Variants in MYO7A observed in about 807,000 individuals in gnomAD.
The protein encoded by MYO7A is unconventional myosin-VIIa.
In MYO7A, 210 loss-of-function variants were observed where a neutral mutation model predicts 263.8. The observed-to-expected ratio is 0.80, with a 90% CI of 0.71 to 0.89. MYO7A has a LOEUF of 0.89. Ranked by LOEUF, MYO7A falls within the 40% of genes least tolerant of loss-of-function variation. The pLI is 0.00. For synonymous variants in MYO7A, 1,239 were observed against 1,197.3 expected (o/e 1.03, Z -0.72); for missense variants, 2,820 against 2,968.3 (o/e 0.95, Z 1.16).
intron 5 of MYO7A, 118 bp from the exon 6 acceptor site, chr11:77,156,542 T>G: frequency 7.7e-6 from 11 of 1,430,020 alleles, no homozygotes; most frequent in East Asian, 2.3e-5. Context: ...GGAGGGTCCG[T>G]ATTGTCAGCT....
Position 77,177,581 on chromosome 11 carries a change from G to A in MYO7A, c.2220G>A (p.Arg740=). 1 of 1,612,150 alleles carries A rather than the reference G, an allele frequency of 6.2e-7. No homozygotes were observed. The highest frequency in any genetic ancestry group is 8.5e-7 in the Non-Finnish European group (1 of 1,179,448). Residue 740 remains arginine (R), a synonymous_variant, in exon 19 of 49, where the codon CGG becomes CGA. Coordinates refer to ENST00000409709, the MANE Select transcript of MYO7A (RefSeq NM_000260.4). ...DHHDMLLEVE[R]DKAITDRVIL... is the part of the protein sequence containing the mutation. ...ATGACATGCTGCTGGAAGTGGAGCG[G>A]GACAAAGCCATCACCGACAGAGTCA...
Position 77,198,594 on chromosome 11 carries a change from C to T in MYO7A, c.4541C>T (p.Pro1514Leu). The change falls in exon 34 of 49, where the codon CCA becomes CTA. Residue 1514 changes from proline to leucine, a missense_variant. By Grantham distance (98) the Pro-to-Leu change is moderately conservative. Transcript: ENST00000409709. ...CAGGTACTTCTGGAGCTGTCCTTCC[C>T]AGAGATCATGGCCGTGTCCAGCAGC... ...QEQVLLELSF[P>L]EIMAVSSSRE... 1 of 1,613,832 alleles carries T rather than the reference C, an allele frequency of 6.2e-7. No individual in the cohort carries two copies. Among genetic ancestry groups the T allele is most frequent in the Non-Finnish European group, 8.5e-7 (1 of 1,179,860 alleles).
chr11:77,213,110 C>T, intron 47 of MYO7A, 75 bp downstream of exon 47: 2 of 1,172,758 alleles, frequency 1.7e-6, no homozygotes, highest in Non-Finnish European at 2.5e-6. Flanking sequence ...GAACGAACCC[C>T]ACAAGCCCTC....
chr11:77,142,419 A>T (rs1951268204), intron 2 of MYO7A: 2 of 229,786 alleles, frequency 8.7e-6, no homozygotes, highest in Non-Finnish European at 1.8e-5. Context: ...GTGTAGATCC[A>T]TGGGGAGAGC....
intron 14 of MYO7A, among the ~76,000 whole-genome samples, chr11:77,165,190 A>G (rs1283414685): frequency 6.6e-6 from 1 of 152,132 alleles, no homozygotes; most frequent in Non-Finnish European, 1.5e-5. Context: ...GCCCCTCCCC[A>G]GGTGCCAGGC....
chr11:77,171,299 T>C (rs1954067162), intron 15 of MYO7A, among the ~76,000 whole-genome samples: 1 of 152,140 alleles, frequency 6.6e-6, no homozygotes, highest in Non-Finnish European at 1.5e-5. Flanking sequence ...GGGGCCCTAA[T>C]GCAGGCTGGG....
chr11:77,181,343 C>T, intron 22 of MYO7A, 37 bp from the exon 23 acceptor site: 2 of 1,520,952 alleles, frequency 1.3e-6, no homozygotes. Context: ...GCACCGGGGG[C>T]TGACCCCGTG....
intron 12 of MYO7A, among the ~76,000 whole-genome samples, chr11:77,161,772 C>T (rs964964435): frequency 2.0e-5 from 3 of 152,228 alleles, no homozygotes; most frequent in Admixed American, 2.0e-4. Flanking sequence ...ACCAGCCAGC[C>T]TCTGGGGTCT....
Position 77,156,099 on chromosome 11 carries a change from G to C in MYO7A, c.470+8G>C. 1 of 1,613,006 alleles carries C rather than the reference G, an allele frequency of 6.2e-7. No homozygotes were observed. On this transcript the variant is annotated splice_region_variant and intron_variant, in intron 5 of 48. Coordinates refer to ENST00000409709, the MANE Select transcript of MYO7A (RefSeq NM_000260.4). ...CCAGTGCTGCATCATCAGGTGGGCGGCCCAGCACCTGTGTGGAGCTCCAGG... is the reference window on the plus strand; with the variant it reads ...CCAGTGCTGCATCATCAGGTGGGCGCCCCAGCACCTGTGTGGAGCTCCAGG...
In MYO7A at chr11:77,156,590, T is replaced by C. The variant is rs1952476482; in HGVS notation, c.471-70T>C. 1.2e-5 allele frequency: 19 copies of C among 1,599,062 alleles called. 1 individual carries two copies. In the South Asian group the frequency reaches 1.6e-4, roughly 13 times the overall value. ...GGGGGAGCTGGTGGATGGTGCAGCCTGGGCTGAGTTCCAGTTGGTGGGGAG... is the reference window on the plus strand; with the variant it reads ...GGGGGAGCTGGTGGATGGTGCAGCCCGGGCTGAGTTCCAGTTGGTGGGGAG... On this transcript the variant is annotated intron_variant, in intron 5 of 48. Transcript: ENST00000409709.
At chr11:77,178,744 C>G (rs1565401474) in intron 19 of MYO7A, among the ~76,000 whole-genome samples, 1 of 152,162 alleles carries the variant, frequency 6.6e-6, no homozygotes, top group Non-Finnish European at 1.5e-5. Flanking sequence ...CTGTTCAAAG[C>G]TTTTGATCTT....
intron 4 of MYO7A, among the ~76,000 whole-genome samples, chr11:77,154,730 C>G (rs572514803): frequency 4.0e-5 from 6 of 149,982 alleles, no homozygotes; most frequent in Non-Finnish European, 7.4e-5. Flanking sequence ...GAGGAAGAGG[C>G]TTAGGTGGGA....
At chr11:77,131,292 G>A (rs1950759142) in intron 2 of MYO7A, among the ~76,000 whole-genome samples, 1 of 152,228 alleles carries the variant, frequency 6.6e-6, no homozygotes, top group South Asian at 2.1e-4. Flanking sequence ...TTGTGGGGCT[G>A]TGCATTATGG....
intron 27 of MYO7A, among the ~76,000 whole-genome samples, chr11:77,188,046 T>C (rs1261029480): frequency 6.6e-6 from 1 of 152,204 alleles, no homozygotes; most frequent in Non-Finnish European, 1.5e-5. Context: ...TATCTCACCA[T>C]CATACCTAAA....
intron 2 of MYO7A, among the ~76,000 whole-genome samples, chr11:77,133,953 G>T (rs1032179413): frequency 2.0e-5 from 3 of 152,008 alleles, no homozygotes; most frequent in Non-Finnish European, 4.4e-5. Context: ...TTTTGAGATG[G>T]AGTTTCACTC....
rs776406549 is a variant in MYO7A, at chr11:77,205,507, C to T, written c.5526C>T (p.Gly1842=). 44 of 1,598,830 alleles carry T rather than the reference C, an allele frequency of 2.8e-5. No individual in the cohort carries two copies. Among genetic ancestry groups the T allele is most frequent in the African/African-American group, 2.4e-4 (18 of 74,476 alleles). ...GGGAGCTGCTCTGGCTGTGCACGGG[C>T]CTTTTCCCACCCAGCAACATCCTCC... The part of the protein sequence containing the change: ...RGWELLWLCT[G]LFPPSNILLP... The change falls in exon 40 of 49, where the codon GGC becomes GGT. Residue 1842 remains glycine (G), a synonymous_variant. Coordinates refer to ENST00000409709, the MANE Select transcript of MYO7A (RefSeq NM_000260.4).
At chr11:77,151,715 T>G (rs781955648) in intron 4 of MYO7A, among the ~76,000 whole-genome samples, 5 of 152,318 alleles carry the variant, frequency 3.3e-5, no homozygotes, top group Non-Finnish European at 7.4e-5. Flanking sequence ...CCTGAATCCT[T>G]AGAGAGATTG....
chr11:77,145,977 A>G (rs1951532568), intron 3 of MYO7A, among the ~76,000 whole-genome samples: 1 of 152,184 alleles, frequency 6.6e-6, no homozygotes, highest in Admixed American at 6.5e-5. Flanking sequence ...CATCTGTCCC[A>G]TCAGAGGCTC....
At chr11:77,203,529 C>T (rs914979996) in intron 38 of MYO7A, among the ~76,000 whole-genome samples, 1 of 152,120 alleles carries the variant, frequency 6.6e-6, no homozygotes, top group African/African-American at 2.4e-5. Flanking sequence ...AGATGGGACC[C>T]GGCAGCACTG....
Sources: allele counts gnomAD v4.1 joint callset (sites outside exome capture counted in the v4.1 genomes callset), GRCh38; gene constraint gnomAD v4.1.1; transcripts MANE v1.5; gene names NCBI Gene and HGNC (gene_info 2026-07-23, HGNC 2026-07-21).